Variants in GABPB1 observed in about 807,000 individuals in gnomAD.
GABPB1 encodes the protein GA-binding protein subunit beta-1.
In GABPB1, 15 loss-of-function variants were observed where a neutral mutation model predicts 45.9. That is an observed-to-expected ratio of 0.33 (90% CI 0.22 to 0.50). The LOEUF (loss-of-function observed/expected upper bound fraction) is 0.50, where lower values mean the gene tolerates loss of function less well. GABPB1 is among the 20% of genes least tolerant of loss of function. The pLI, the probability that GABPB1 is intolerant of heterozygous loss-of-function variation, is 0.98. For synonymous variants in GABPB1, 143 were observed against 154.4 expected, an observed-to-expected ratio of 0.93 and a Z score of 0.55; for missense variants, 252 against 457.5, an observed-to-expected ratio of 0.55 and a Z score of 4.10.
intron 1 of GABPB1, among the ~76,000 whole-genome samples, chr15:50,338,292 G>A (rs1258279827): frequency 3.3e-5 from 5 of 151,796 alleles, no homozygotes; most frequent in Admixed American, 2.0e-4. Context: ...TGCCCACCTC[G>A]ACCTCCCAAA....
At chr15:50,312,304 G>T (rs1331200171) in intron 1 of GABPB1, among the ~76,000 whole-genome samples, 2 of 152,008 alleles carry the variant, frequency 1.3e-5, no homozygotes, top group Non-Finnish European at 2.9e-5. Context: ...ATTTATATGG[G>T]TTTTTTAAAT....
At chr15:50,317,421 G>GA (rs71424053) in intron 1 of GABPB1, among the ~76,000 whole-genome samples, 68,899 of 135,924 alleles carry the variant, frequency 0.51, 17,715 homozygotes, top group Middle Eastern at 0.65. Context: ...AAAAAAGAAA[G>GA]AAAAAAAAAA....
chr15:50,331,759 G>C (rs1007618376), intron 1 of GABPB1, among the ~76,000 whole-genome samples: 4 of 152,036 alleles, frequency 2.6e-5, no homozygotes, highest in Non-Finnish European at 4.4e-5. Flanking sequence ...CCTCAGGCCT[G>C]GATGATACCT....
chr15:50,315,127 T>C (rs1179342665), intron 1 of GABPB1, among the ~76,000 whole-genome samples: 1 of 152,204 alleles, frequency 6.6e-6, no homozygotes, highest in East Asian at 1.9e-4. Flanking sequence ...TAACATTAAC[T>C]ATGATTTTCT....
intron 1 of GABPB1, among the ~76,000 whole-genome samples, chr15:50,335,248 G>T (rs1048749907): frequency 1.3e-5 from 2 of 152,182 alleles, no homozygotes; most frequent in Admixed American, 1.3e-4. Context: ...GGTAGGTGAT[G>T]AAAAGCGGTT....
At chr15:50,310,998 A>G (rs2141053978) in intron 1 of GABPB1, among the ~76,000 whole-genome samples, 1 of 151,492 alleles carries the variant, frequency 6.6e-6, no homozygotes, top group East Asian at 1.9e-4. Flanking sequence ...AAAAACCAGG[A>G]AAGAATATCT....
At chr15:50,291,941 T>C (rs1595743959) in intron 6 of GABPB1, among the ~76,000 whole-genome samples, 1 of 146,568 alleles carries the variant, frequency 6.8e-6, no homozygotes, top group African/African-American at 2.5e-5. Context: ...AAAAATTCTA[T>C]CTATAATAAT....
At chr15:50,282,507 T>C (rs145780053) in intron 8 of GABPB1, 6,685 of 247,580 alleles carry the variant, frequency 0.027, 455 homozygotes, top group African/African-American at 0.15. Context: ...TGAGCCATGA[T>C]TGCACCACTG....
chr15:50,350,338 G>C (rs1305224038), intron 1 of GABPB1: 1 of 146,488 alleles, frequency 6.8e-6, no homozygotes, highest in African/African-American at 2.5e-5. Flanking sequence ...TTAATACACA[G>C]CTTTTATAAT....
At chr15:50,345,121 C>T (rs2048517120) in intron 1 of GABPB1, among the ~76,000 whole-genome samples, 5 of 151,992 alleles carry the variant, frequency 3.3e-5, no homozygotes. Context: ...CTAAGAGGCT[C>T]ATGAAACAAC....
intron 8 of GABPB1, among the ~76,000 whole-genome samples, chr15:50,279,304 G>A (rs1299350635): frequency 6.6e-6 from 1 of 152,088 alleles, no homozygotes; most frequent in Non-Finnish European, 1.5e-5. Context: ...GCTCTCCCAA[G>A]GTCACATAGT....
At chr15:50,333,129 G>A (rs2048001547) in intron 1 of GABPB1, among the ~76,000 whole-genome samples, 1 of 151,934 alleles carries the variant, frequency 6.6e-6, no homozygotes, top group African/African-American at 2.4e-5. Flanking sequence ...GTACTCAATA[G>A]CCCTATGTAG....
At chr15:50,354,802 G>A (rs2049032794) in intron 1 of GABPB1, 183 bp downstream of exon 1, 1 of 228,248 alleles carries the variant, frequency 4.4e-6, no homozygotes, top group Non-Finnish European at 8.8e-6. Context: ...CGCCCAGGCC[G>A]ACCCCGCCGA....
intron 3 of GABPB1, 62 bp downstream of exon 3, chr15:50,303,904 C>A: frequency 3.8e-6 from 5 of 1,317,502 alleles, no homozygotes; most frequent in South Asian, 1.7e-5. Flanking sequence ...AAACTAGTTC[C>A]CTCTCCTTCT....
chr15:50,335,165 T>G (rs2048076349), intron 1 of GABPB1, among the ~76,000 whole-genome samples: 1 of 152,214 alleles, frequency 6.6e-6, no homozygotes, highest in Non-Finnish European at 1.5e-5. Context: ...GCTTGTTTCC[T>G]TTCTCTTTTT....
At chr15:50,349,969 T>C (rs963327077) in intron 1 of GABPB1, 1 of 152,204 alleles carries the variant, frequency 6.6e-6, no homozygotes, top group Non-Finnish European at 1.5e-5. Context: ...TTTTGGGTTT[T>C]TTTACCAAAA....
chr15:50,278,577 C>T lies in GABPB1; in HGVS notation c.*55G>A. The T allele has an allele frequency of 6.7e-7, 1 of 1,501,928 alleles. No individual in the cohort carries two copies. The highest frequency in any genetic ancestry group is 1.4e-5 in the African/African-American group (1 of 72,408). The allele number at this position is 1,501,928 out of a possible 1,614,324, so 93.0% of individuals were successfully genotyped here. A position where few individuals can be genotyped will look rare whatever the true frequency, so the allele number is the denominator to read the frequency against. On this transcript the variant is annotated 3_prime_UTR_variant, in exon 9 of 9. Transcript: ENST00000380877. ...GGCTGTACCTTTGTTGTGTACAGTT[C>T]AAGATTGTATTCTTTCTTGACCAAA...
intron 8 of GABPB1, among the ~76,000 whole-genome samples, chr15:50,279,279 C>A (rs1365488867): frequency 6.6e-6 from 1 of 152,066 alleles, no homozygotes; most frequent in Non-Finnish European, 1.5e-5. Context: ...AAAAATGATG[C>A]TCAGGGATGA....
chr15:50,281,958 C>T (rs1335304313), intron 8 of GABPB1, among the ~76,000 whole-genome samples: 1 of 151,534 alleles, frequency 6.6e-6, no homozygotes, highest in Non-Finnish European at 1.5e-5. Context: ...TCAAGTGATC[C>T]TCCCACTTCA....
Sources: gnomAD v4.1 joint callset for allele counts (sites outside exome capture counted in the v4.1 genomes callset) on GRCh38, gnomAD v4.1.1 for gene constraint, MANE v1.5 for transcripts, NCBI Gene and HGNC (gene_info 2026-07-23, HGNC 2026-07-21) for gene names.